Variants in ARHGAP20 observed in about 807,000 individuals in gnomAD.
The protein encoded by ARHGAP20 is Rho GTPase activating protein 20.
Under a neutral mutation model 73.7 loss-of-function variants are expected in ARHGAP20, and 34 were observed. The observed-to-expected ratio is 0.46, with a 90% CI of 0.35 to 0.61. The LOEUF is 0.61. Among genes scored for constraint, ARHGAP20 ranks in the 20% least tolerant of loss-of-function variants. ARHGAP20 has a pLI of 0.00. For synonymous variants in ARHGAP20, 523 were observed against 518.2 expected, an observed-to-expected ratio of 1.01 and a Z score of -0.13; for missense variants, 1,314 against 1,420.9, an observed-to-expected ratio of 0.92 and a Z score of 1.21.
At chr11:110,703,015 C>A (rs1950486171) in intron 1 of ARHGAP20, among the ~76,000 whole-genome samples, 1 of 152,126 alleles carries the variant, frequency 6.6e-6, no homozygotes, top group African/African-American at 2.4e-5. Flanking sequence ...ACTTTCTTCA[C>A]AGAATAGGAG....
intron 1 of ARHGAP20, among the ~76,000 whole-genome samples, chr11:110,693,626 A>G (rs188511937): frequency 9.9e-5 from 15 of 152,078 alleles, no homozygotes; most frequent in Admixed American, 8.5e-4. Context: ...TTTGCTTAAA[A>G]GTGTAACCAA....
At chr11:110,598,709 G>A (rs1199416623) in intron 9 of ARHGAP20, among the ~76,000 whole-genome samples, 2 of 152,176 alleles carry the variant, frequency 1.3e-5, no homozygotes, top group South Asian at 2.1e-4. Context: ...CACACTGGCT[G>A]TAGTGGGGAG....
At chr11:110,615,106 G>GT (rs1948455499) in intron 5 of ARHGAP20, among the ~76,000 whole-genome samples, 1 of 152,206 alleles carries the variant, frequency 6.6e-6, no homozygotes. Flanking sequence ...GGGAAGGACT[G>GT]TAAGTCTAAC....
chr11:110,577,669 A>G lies in ARHGAP20; in HGVS notation c.*1701T>C, dbSNP rs1043159997. The G allele has an allele frequency of 1.0e-6, 1 of 985,750 alleles. No homozygotes were observed. Among genetic ancestry groups the G allele is most frequent in the African/African-American group, 1.7e-5 (1 of 57,240 alleles). 61.1% of individuals were successfully genotyped at this position (985,750 alleles called of 1,614,324 possible). A position where few individuals can be genotyped will look rare whatever the true frequency, so the allele number is the denominator to read the frequency against. The stretch of plus-strand genomic sequence containing the variant: ...TGTAGGACTGGTTAGTTATAAAGTG[A>G]AATCGACTTCACATCTGTGACTCAG... On this transcript the variant is annotated 3_prime_UTR_variant, in exon 15 of 15. Transcript: ENST00000683387.
chr11:110,671,031 C>T lies in ARHGAP20; in HGVS notation c.188+19516G>A, dbSNP rs149106167. ...ATCTGAATATAGTATGACCTCTAGT[C>T]GATAATGTAATATTGGTTTATTAGT... is the stretch of plus-strand genomic sequence containing the variant. On this transcript the variant is annotated intron_variant, in intron 2 of 14. Coordinates refer to ENST00000683387, the MANE Select transcript of ARHGAP20 (RefSeq NM_001384657.1). Among the ~76,000 whole-genome samples the T allele has an allele frequency of 7.2e-5, 11 of 151,944 alleles. No individual in the cohort carries two copies. In the East Asian group the frequency reaches 7.7e-4, roughly 11 times the overall value.
At chr11:110,590,157 T>G (rs892008616) in intron 11 of ARHGAP20, among the ~76,000 whole-genome samples, 6 of 151,906 alleles carry the variant, frequency 3.9e-5, no homozygotes, top group African/African-American at 1.5e-4. Flanking sequence ...ATGATGATTA[T>G]GAAAATAAAT....
chr11:110,660,157 T>C (rs1380916233), intron 2 of ARHGAP20, among the ~76,000 whole-genome samples: 1 of 151,888 alleles, frequency 6.6e-6, no homozygotes, highest in Non-Finnish European at 1.5e-5. Context: ...AAACATAGAA[T>C]GCAAGGTTCT....
intron 6 of ARHGAP20, among the ~76,000 whole-genome samples, 182 bp downstream of exon 6, chr11:110,614,379 T>A (rs1485893555): frequency 6.6e-6 from 1 of 152,228 alleles, no homozygotes; most frequent in African/African-American, 2.4e-5. Context: ...ATTTTTCATA[T>A]ATATGAAGAC....
At position 110,578,916 on chromosome 11, in the gene ARHGAP20, A is replaced by G. The variant is rs937984754; in HGVS notation, c.*454T>C. Reference sequence around the variant, plus strand: ...ATTACTGGACACACTTAATGCTTTGATTAGTGGCATTTTTCTTGCCTACTT... The same window carrying G: ...ATTACTGGACACACTTAATGCTTTGGTTAGTGGCATTTTTCTTGCCTACTT... On this transcript the variant is annotated 3_prime_UTR_variant, in exon 15 of 15. Coordinates refer to ENST00000683387, the MANE Select transcript of ARHGAP20 (RefSeq NM_001384657.1). 1 of 987,254 alleles carries G rather than the reference A, an allele frequency of 1.0e-6. No individual in the cohort carries two copies. The highest frequency in any genetic ancestry group is 1.7e-5 in the African/African-American group (1 of 57,252). 61.2% of individuals were successfully genotyped at this position (987,254 alleles called of 1,614,324 possible).
rs1294553342 is a variant in ARHGAP20 at position 110,579,124 on chromosome 11, CAT to C, written c.*244_*245del. On this transcript the variant is annotated 3_prime_UTR_variant, in exon 15 of 15. Coordinates refer to ENST00000683387, the MANE Select transcript of ARHGAP20 (RefSeq NM_001384657.1). ...CCCTCTGTTAGTATCTCTAAAACCACATGACAGGACCAATCCCAACCTTTAAT... is the reference window on the plus strand; with the variant it reads ...CCCTCTGTTAGTATCTCTAAAACCACGACAGGACCAATCCCAACCTTTAAT... 3 of 1,131,192 alleles carry C rather than the reference CAT, an allele frequency of 2.7e-6. No individual in the cohort carries two copies. The highest frequency in any genetic ancestry group is 1.6e-5 in the African/African-American group (1 of 63,272). 70.1% of individuals were successfully genotyped at this position (1,131,192 alleles called of 1,614,324 possible).
In ARHGAP20 at chr11:110,673,941, ATT is replaced by A. The variant is rs11289312; in HGVS notation, c.188+16604_188+16605del. ...CTTAATAGTTGTGAGAACGAAGGCT[ATT>A]TTTTTTTTTTTTTGAGACAGCATTT... On this transcript the variant is annotated intron_variant, in intron 2 of 14. Transcript: ENST00000683387. Among the ~76,000 whole-genome samples, 1,171 of 144,146 alleles carry A rather than the reference ATT, an allele frequency of 8.1e-3. 14 individuals are homozygous for A. The highest frequency in any genetic ancestry group is 0.027 in the African/African-American group (1,078 of 39,730). The allele number at this position is 144,146 out of a possible 152,430, so 94.6% of individuals were successfully genotyped here.
At chr11:110,694,256 G>C (rs1040422900) in intron 1 of ARHGAP20, among the ~76,000 whole-genome samples, 2 of 151,812 alleles carry the variant, frequency 1.3e-5, no homozygotes, top group Admixed American at 6.6e-5. Context: ...AATAAAGAGT[G>C]ATTAAATGTC....
chr11:110,606,875 C>T (rs1948245131), intron 8 of ARHGAP20, 126 bp from the exon 9 acceptor site: 3 of 807,264 alleles, frequency 3.7e-6, no homozygotes, highest in African/African-American at 3.6e-5. Context: ...CTTTGTTTGA[C>T]AGAATGATCA....
intron 2 of ARHGAP20, among the ~76,000 whole-genome samples, chr11:110,645,736 T>A (rs1949177046): frequency 6.6e-6 from 1 of 152,040 alleles, no homozygotes; most frequent in Admixed American, 6.6e-5. Context: ...TCATCAATGG[T>A]GGATTGGATA....
intron 2 of ARHGAP20, among the ~76,000 whole-genome samples, chr11:110,648,145 G>GAT (rs1309984653): frequency 3.7e-5 from 5 of 134,244 alleles, no homozygotes; most frequent in Admixed American, 8.2e-5. Context: ...CTCGGTCAGT[G>GAT]ATATATATAA....
At chr11:110,647,268 T>A (rs1213027183) in intron 2 of ARHGAP20, among the ~76,000 whole-genome samples, 2 of 152,058 alleles carry the variant, frequency 1.3e-5, no homozygotes, top group African/African-American at 4.8e-5. Context: ...GGATTTAAAA[T>A]CTATGAAAGA....
chr11:110,666,934 G>C (rs549256617), intron 2 of ARHGAP20, among the ~76,000 whole-genome samples: 11 of 152,184 alleles, frequency 7.2e-5, no homozygotes, highest in African/African-American at 2.7e-4. Flanking sequence ...TCCAGAGCAA[G>C]GCTCTAAATC....
chr11:110,592,030 C>G lies in ARHGAP20; in HGVS notation c.1090G>C (p.Gly364Arg). 1 of 1,614,092 alleles carries G rather than the reference C, an allele frequency of 6.2e-7. No individual in the cohort carries two copies. The highest frequency in any genetic ancestry group is 8.5e-7 in the Non-Finnish European group (1 of 1,179,990). ...TCACAAATATTTGGCAGAGAAATTC[C>G]AAAGAGCTGTCCTGGCATAGGTGAT... ...PTSPMPGQLFGISLPNICEND... is the reference protein window; with the variant it reads ...PTSPMPGQLFRISLPNICEND... Residue 364 changes from glycine (G) to arginine (R), a missense_variant, in exon 10 of 15, where the codon GGA becomes CGA. Gly to Arg is a moderately radical substitution (Grantham distance 125, BLOSUM62 -2). Around this residue, in one of 3 missense-constraint regions of ARHGAP20, gnomAD observed 443 missense variants for 466.4 expected, o/e 0.95. Coordinates refer to ENST00000683387, the MANE Select transcript of ARHGAP20 (RefSeq NM_001384657.1).
rs751874422 is a variant in ARHGAP20 at position 110,582,325 on chromosome 11, G to C, written c.1716C>G (p.Ala572=). The change falls in exon 14 of 15, where the codon GCC becomes GCG. Residue 572 remains alanine, a synonymous_variant. Coordinates refer to ENST00000683387, the MANE Select transcript of ARHGAP20 (RefSeq NM_001384657.1). ...CAATCCAATTATTCACAATACCTGAGGCATTCTCTCTAGTGTCACATCTCA... is the reference window on the plus strand; with the variant it reads ...CAATCCAATTATTCACAATACCTGACGCATTCTCTCTAGTGTCACATCTCA... ...VSVRCDTREN[A]SDISCFQLND... 4.1e-5 allele frequency: 66 copies of C among 1,601,962 alleles called. No individual in the cohort carries two copies. Among genetic ancestry groups the C allele is most frequent in the Non-Finnish European group, 5.6e-5 (66 of 1,169,232 alleles).
Sources: gnomAD v4.1 joint callset for allele counts (sites outside exome capture counted in the v4.1 genomes callset) on GRCh38, gnomAD v4.1.1 for gene constraint, gnomAD v4.1.1 regional missense constraint, MANE v1.5 for transcripts, NCBI Gene and HGNC (gene_info 2026-07-23, HGNC 2026-07-21) for gene names.